The following UNC13D variants were observed in gnomAD, a reference collection of about 807,000 sequenced individuals.
UNC13D encodes the protein unc-13 homolog D, also known as protein unc-13 homolog D.
A neutral mutation model predicts 151.7 loss-of-function variants in UNC13D; 115 were observed. The ratio of observed to expected loss-of-function variants is 0.76; its 90% CI spans 0.65 to 0.88. UNC13D has a LOEUF of 0.88. Ranked by LOEUF, UNC13D falls within the 40% of genes least tolerant of loss-of-function variation. The probability of loss-of-function intolerance (pLI) is 0.00; values close to 1 mark genes in which losing one functional copy is unlikely to be tolerated. For synonymous variants in UNC13D, 588 were observed against 612.2 expected, an observed-to-expected ratio of 0.96 and a Z score of 0.58; for missense variants, 1,369 against 1,438.7, an observed-to-expected ratio of 0.95 and a Z score of 0.78.
At position 75,827,318 on chromosome 17, in the gene UNC13D, G is replaced by T; in HGVS notation, c.*647C>A. On this transcript the variant is annotated 3_prime_UTR_variant, in exon 32 of 32. Transcript: ENST00000207549. Reference sequence around the variant, plus strand: ...GTCCGGGGAGGGGGCGTGCGCAGCAGACACAGCAGCCAAACTGTCCTTTCT... The same window carrying T: ...GTCCGGGGAGGGGGCGTGCGCAGCATACACAGCAGCCAAACTGTCCTTTCT... 1.2e-6 allele frequency: 1 copy of T among 830,116 alleles called. No individual in the cohort carries two copies. The highest frequency in any genetic ancestry group is 1.7e-6 in the Non-Finnish European group (1 of 585,792). The allele number at this position is 830,116 out of a possible 1,614,324, so 51.4% of individuals were successfully genotyped here.
intron 30 of UNC13D, among the ~76,000 whole-genome samples, chr17:75,829,366 G>T (rs971403807): frequency 5.9e-5 from 9 of 152,020 alleles, no homozygotes; most frequent in African/African-American, 2.2e-4. Context: ...CGCCATCTTG[G>T]CTCACTACAA....
rs554536271 is a variant in UNC13D, at chr17:75,840,757, C to A, written c.683+5G>T. Reference sequence around the variant, plus strand: ...CCCCTTCCCTGTGAGCCCTGCAACACGAACCTGCGAAGCCCATGCAGATCC... The same window carrying A: ...CCCCTTCCCTGTGAGCCCTGCAACAAGAACCTGCGAAGCCCATGCAGATCC... On this transcript the variant is annotated splice_donor_5th_base_variant and intron_variant, in intron 8 of 31. Transcript: ENST00000207549. The surrounding 1 kb of genome is among the most constrained non-coding windows in gnomAD (Gnocchi z 4.6). The A allele has an allele frequency of 1.9e-6, 3 of 1,613,958 alleles. No individual in the cohort carries two copies. Among genetic ancestry groups the A allele is most frequent in the South Asian group, 2.2e-5 (2 of 91,080 alleles).
chr17:75,839,716 AAC>A, intron 12 of UNC13D, 121 bp downstream of exon 12: 1 of 1,090,530 alleles, frequency 9.2e-7, no homozygotes. Flanking sequence ...CAAAACTTAA[AAC>A]ACACATTTTG....
intron 12 of UNC13D, 59 bp from the exon 13 acceptor site, chr17:75,836,977 CA>C (rs1433010913): frequency 1.3e-6 from 2 of 1,574,912 alleles, no homozygotes; most frequent in Non-Finnish European, 1.7e-6. Flanking sequence ...TTCCCCTGTT[CA>C]CCCGGCCTCA....
intron 30 of UNC13D, 45 bp downstream of exon 30, chr17:75,829,983 G>A: frequency 6.4e-7 from 1 of 1,561,618 alleles, no homozygotes; most frequent in Non-Finnish European, 8.7e-7. Context: ...AGCCCAGTGG[G>A]GAGAGATGAG....
chr17:75,844,348 T>C lies in UNC13D; in HGVS notation c.-11A>G. 1 of 1,604,436 alleles carries C rather than the reference T, an allele frequency of 6.2e-7. No individual in the cohort carries two copies. The highest frequency in any genetic ancestry group is 1.3e-5 in the African/African-American group (1 of 74,838). ...GAGGAGTGTCGCCATGGTGGCCTTC[T>C]CTGCCCTTCCCTGTCCGCTGGTGCT... On this transcript the variant is annotated 5_prime_UTR_variant, in exon 1 of 32. Transcript: ENST00000207549.
At chr17:75,843,616 A>G in intron 1 of UNC13D, 97 bp from the exon 2 acceptor site, 3 of 1,552,180 alleles carry the variant, frequency 1.9e-6, no homozygotes, top group Non-Finnish European at 2.6e-6. Context: ...GGCCAAGGGT[A>G]TGGGGGCCCC....
chr17:75,844,005 C>G, intron 1 of UNC13D: 1 of 1,423,796 alleles, frequency 7.0e-7, no homozygotes, highest in Non-Finnish European at 9.2e-7. Context: ...CTGAGAGCCT[C>G]AGACCACAGG....
chr17:75,832,893 G>A lies in UNC13D; in HGVS notation c.2447+73C>T. On this transcript the variant is annotated intron_variant, in intron 25 of 31. Coordinates refer to ENST00000207549, the MANE Select transcript of UNC13D (RefSeq NM_199242.3). This position sits in a 1 kb window ranked among gnomAD's most constrained non-coding sequence, Gnocchi z 4.3. The stretch of plus-strand genomic sequence containing the variant: ...CTACACCCCTCAGAACGGATGCTGG[G>A]GCCCAGGAAGGAGGGGCCGTGGGAG... 2 of 1,395,814 alleles carry A rather than the reference G, an allele frequency of 1.4e-6. No homozygotes were observed. Among genetic ancestry groups the A allele is most frequent in the Non-Finnish European group, 9.9e-7 (1 of 1,013,858 alleles). 86.5% of individuals were successfully genotyped at this position (1,395,814 alleles called of 1,614,324 possible). A position where few individuals can be genotyped will look rare whatever the true frequency, so the allele number is the denominator to read the frequency against.
chr17:75,840,695 G>A lies in UNC13D; in HGVS notation c.683+67C>T. The A allele has an allele frequency of 6.2e-7, 1 of 1,609,096 alleles. No individual in the cohort carries two copies. Among genetic ancestry groups the A allele is most frequent in the East Asian group, 2.2e-5 (1 of 44,874 alleles). On this transcript the variant is annotated intron_variant, in intron 8 of 31. Coordinates refer to ENST00000207549, the MANE Select transcript of UNC13D (RefSeq NM_199242.3). The surrounding 1 kb of genome is among the most constrained non-coding windows in gnomAD (Gnocchi z 4.6). ...AGGAGCCTGCACCCCAGCATCCAGT[G>A]TGCATGTTGGGGGATGGAGGGCAAA...
chr17:75,828,895 C>T lies in UNC13D; in HGVS notation c.3043G>A (p.Glu1015Lys). 6.2e-7 allele frequency: 1 copy of T among 1,606,912 alleles called. No individual in the cohort carries two copies. The highest frequency in any genetic ancestry group is 8.5e-7 in the Non-Finnish European group (1 of 1,179,440). Reference sequence around the variant, plus strand: ...CGCAGCGGCAGGAAGGCCTCGCCTTCCAGGTCGTCGGCCCCCAGCGTGTCG... The same window carrying T: ...CGCAGCGGCAGGAAGGCCTCGCCTTTCAGGTCGTCGGCCCCCAGCGTGTCG... ...DYDTLGADDL[E>K]GEAFLPLREV... Residue 1015 changes from glutamate to lysine, a missense_variant, in exon 31 of 32, where the codon GAA becomes AAA. By Grantham distance (56) the Glu-to-Lys change is moderately conservative. This residue lies in a region of UNC13D where 807 missense variants were observed against 795.5 expected (regional missense o/e 1.01). Coordinates refer to ENST00000207549, the MANE Select transcript of UNC13D (RefSeq NM_199242.3).
chr17:75,827,837 G>T lies in UNC13D; in HGVS notation c.*128C>A. On this transcript the variant is annotated 3_prime_UTR_variant, in exon 32 of 32. Coordinates refer to ENST00000207549, the MANE Select transcript of UNC13D (RefSeq NM_199242.3). The stretch of plus-strand genomic sequence containing the variant: ...GGGAGGTCTGCACTCTGGGCACTCC[G>T]CATGCTGGGGCTCCCCAAGTGTTAG... 6.6e-7 allele frequency: 1 copy of T among 1,510,810 alleles called. No homozygotes were observed. Among genetic ancestry groups the T allele is most frequent in the Non-Finnish European group, 8.8e-7 (1 of 1,130,054 alleles). 93.6% of individuals were successfully genotyped at this position (1,510,810 alleles called of 1,614,324 possible).
chr17:75,828,959 G>A lies in UNC13D; in HGVS notation c.2979C>T (p.Arg993=). The change falls in exon 31 of 32, where the codon CGC becomes CGT. Residue 993 remains arginine (R), a synonymous_variant. Transcript: ENST00000207549. ...FEFLVPAEPC[R]KAGACLLLTV... is the part of the protein sequence containing the mutation. ...TGAGCAGGAGGCATGCCCCAGCCTT[G>A]CGGCACGGCTCAGCAGGCACCAGGC... 1 of 1,604,820 alleles carries A rather than the reference G, an allele frequency of 6.2e-7. No individual in the cohort carries two copies. The highest frequency in any genetic ancestry group is 1.3e-5 in the African/African-American group (1 of 75,034).
intron 25 of UNC13D, 191 bp from the exon 26 acceptor site, chr17:75,831,539 G>A (rs946644289): frequency 1.3e-5 from 8 of 611,156 alleles, no homozygotes; most frequent in African/African-American, 1.1e-4. Context: ...CCAGCAAGGG[G>A]CAGGTGGGAT....
At chr17:75,841,132 T>G in intron 6 of UNC13D, 131 bp from the exon 7 acceptor site, 5 of 493,422 alleles carry the variant, frequency 1.0e-5, no homozygotes, top group South Asian at 2.1e-5. Flanking sequence ...CCCAGCCGCA[T>G]CCCTTTTTTT....
intron 21 of UNC13D, 48 bp from the exon 22 acceptor site, chr17:75,834,764 A>G: frequency 6.2e-7 from 1 of 1,608,840 alleles, no homozygotes; most frequent in Non-Finnish European, 8.5e-7. Context: ...TGGGGCATCC[A>G]GGAAGGGCAG....
chr17:75,838,258 G>A (rs1399170640), intron 12 of UNC13D, among the ~76,000 whole-genome samples: 26 of 147,954 alleles, frequency 1.8e-4, no homozygotes, highest in South Asian at 6.4e-4. Context: ...TCGCTGTGTC[G>A]CCCAGGCTGG....
At position 75,833,161 on chromosome 17, in the gene UNC13D, T is replaced by G; in HGVS notation, c.2368-116A>C. On this transcript the variant is annotated intron_variant, in intron 24 of 31. Coordinates refer to ENST00000207549, the MANE Select transcript of UNC13D (RefSeq NM_199242.3). The surrounding 1 kb of genome is among the most constrained non-coding windows in gnomAD (Gnocchi z 4.0). The stretch of plus-strand genomic sequence containing the variant: ...CTGGGAACCGTTCTGTGAGAGCAGT[T>G]TGTAGTGTCTGTAAGAGGCCGGCCT... The G allele has an allele frequency of 9.6e-7, 1 of 1,041,084 alleles. No individual in the cohort carries two copies. The highest frequency in any genetic ancestry group is 2.1e-5 in the Admixed American group (1 of 48,680). 64.5% of individuals were successfully genotyped at this position (1,041,084 alleles called of 1,614,324 possible).
rs769353559 is a variant in UNC13D, at chr17:75,835,426, C to A, written c.1831G>T (p.Ala611Ser). ...GCCCCCACCTCATCCATCTGCACAG[C>A]GCGCTGCACCCGCGCCAGGGCCTCG... ...YNEALARVQR[A>S]VQMDELVPLG... is the part of the protein sequence containing the mutation. Residue 611 changes from alanine (A) to serine (S), a missense_variant, in exon 20 of 32, where the codon GCT becomes TCT. By Grantham distance (99) the Ala-to-Ser change is moderately conservative (BLOSUM62 1). Transcript: ENST00000207549. The A allele has an allele frequency of 6.2e-7, 1 of 1,612,558 alleles. No homozygotes were observed. Among genetic ancestry groups the A allele is most frequent in the Admixed American group, 1.7e-5 (1 of 59,978 alleles).
Sources: allele counts gnomAD v4.1 joint callset (sites outside exome capture counted in the v4.1 genomes callset), GRCh38; gene constraint gnomAD v4.1.1; regional missense constraint gnomAD v4.1.1; non-coding constraint Gnocchi (gnomAD v3.1); transcripts MANE v1.5; gene names NCBI Gene and HGNC (gene_info 2026-07-23, HGNC 2026-07-21).